CDH4: variants seen among roughly 807,000 people sequenced by gnomAD.
The protein encoded by CDH4 is cadherin 4, also known as cadherin-4.
A neutral mutation model predicts 86.0 loss-of-function variants in CDH4; 33 were observed. The ratio of observed to expected loss-of-function variants is 0.38; its 90% CI spans 0.29 to 0.51. The LOEUF (loss-of-function observed/expected upper bound fraction) is 0.51. Ranked by LOEUF, CDH4 falls within the 20% of genes least tolerant of loss-of-function variation. The probability of loss-of-function intolerance (pLI) is 0.86; values close to 1 mark genes in which losing one functional copy is unlikely to be tolerated. For missense variants in CDH4, 1,114 were observed against 1,307.4 expected (o/e 0.85, Z 2.28); for synonymous variants, 555 against 549.4 (o/e 1.01, Z -0.14).
chr20:61,729,778 G>A (rs1206573808), intron 2 of CDH4, among the ~76,000 whole-genome samples: 3 of 152,238 alleles, frequency 2.0e-5, no homozygotes, highest in Non-Finnish European at 2.9e-5. Flanking sequence ...GAGAGATGCA[G>A]TGTCCATGAG....
chr20:61,506,162 C>T (rs2085740073), intron 2 of CDH4, among the ~76,000 whole-genome samples: 1 of 152,196 alleles, frequency 6.6e-6, no homozygotes, highest in Non-Finnish European at 1.5e-5. Context: ...AGAAATGAAT[C>T]TTTCTCAAAA....
At chr20:61,899,961 G>T (rs1985308959) in intron 8 of CDH4, among the ~76,000 whole-genome samples, 1 of 152,214 alleles carries the variant, frequency 6.6e-6, no homozygotes, top group Non-Finnish European at 1.5e-5. Context: ...TGGGTCTGTG[G>T]TCCCCATGTT....
chr20:61,282,400 A>T (rs562601066), intron 2 of CDH4, among the ~76,000 whole-genome samples: 1 of 152,240 alleles, frequency 6.6e-6, no homozygotes, highest in South Asian at 2.1e-4. Flanking sequence ...TATCCCTCTT[A>T]CTTTCATAAA....
intron 4 of CDH4, among the ~76,000 whole-genome samples, chr20:61,785,277 G>A (rs896664664): frequency 1.3e-5 from 2 of 152,182 alleles, no homozygotes; most frequent in Non-Finnish European, 2.9e-5. Flanking sequence ...CACACCTGTG[G>A]CAGCTCAGTT....
chr20:61,813,231 G>C (rs1274724350), intron 4 of CDH4, among the ~76,000 whole-genome samples: 3 of 152,212 alleles, frequency 2.0e-5, no homozygotes, highest in Non-Finnish European at 4.4e-5. Flanking sequence ...GCTCCCTCCA[G>C]CTCCTTGGAG....
At chr20:61,499,805 G>C (rs1438739554) in intron 2 of CDH4, among the ~76,000 whole-genome samples, 1 of 152,140 alleles carries the variant, frequency 6.6e-6, no homozygotes, top group African/African-American at 2.4e-5. Flanking sequence ...GAATTCATCT[G>C]CACCTTGAGC....
At chr20:61,769,144 A>C (rs2088741883) in intron 3 of CDH4, among the ~76,000 whole-genome samples, 1 of 152,204 alleles carries the variant, frequency 6.6e-6, no homozygotes, top group Admixed American at 6.5e-5. Context: ...GCCCTCGTGC[A>C]GGCACAAAAA....
chr20:61,322,820 G>C (rs1474119940), intron 2 of CDH4, among the ~76,000 whole-genome samples: 3 of 152,206 alleles, frequency 2.0e-5, no homozygotes, highest in Admixed American at 1.3e-4. Context: ...GTTCCCAGTG[G>C]ACTTGTGCAG....
intron 2 of CDH4, among the ~76,000 whole-genome samples, chr20:61,338,127 A>G (rs1036580117): frequency 3.3e-5 from 5 of 152,206 alleles, no homozygotes; most frequent in Admixed American, 1.3e-4. Flanking sequence ...TCAAAAAGTC[A>G]CGGGGCTCAG....
intron 8 of CDH4, among the ~76,000 whole-genome samples, chr20:61,897,202 T>C (rs1194151270): frequency 2.0e-5 from 3 of 152,032 alleles, no homozygotes; most frequent in Non-Finnish European, 2.9e-5. Context: ...GGGCAGAAGA[T>C]AAACAAGGGG....
At chr20:61,530,040 T>G (rs570885172) in intron 2 of CDH4, among the ~76,000 whole-genome samples, 9 of 151,840 alleles carry the variant, frequency 5.9e-5, no homozygotes, top group East Asian at 5.9e-4. Context: ...GTTTGTGTGT[T>G]TGTTTGTTTT....
At chr20:61,320,203 G>T (rs971487625) in intron 2 of CDH4, among the ~76,000 whole-genome samples, 2 of 152,268 alleles carry the variant, frequency 1.3e-5, no homozygotes, top group East Asian at 1.9e-4. Flanking sequence ...GAGCCTGAGG[G>T]TCTCTTCCCA....
At chr20:61,931,842 C>T (rs1225768729) in intron 13 of CDH4, among the ~76,000 whole-genome samples, 1 of 152,126 alleles carries the variant, frequency 6.6e-6, no homozygotes, top group African/African-American at 2.4e-5. Flanking sequence ...CCATCCACCC[C>T]ACAAGGGGAC....
chr20:61,901,420 A>G (rs935710039), intron 8 of CDH4, among the ~76,000 whole-genome samples: 19 of 152,274 alleles, frequency 1.2e-4, no homozygotes, highest in African/African-American at 4.3e-4. Context: ...GGTTTACGCT[A>G]TCAATTTTCC....
chr20:61,412,520 C>T (rs1019268098), intron 2 of CDH4, among the ~76,000 whole-genome samples: 1 of 152,212 alleles, frequency 6.6e-6, no homozygotes, highest in African/African-American at 2.4e-5. Flanking sequence ...TCTTATCCAA[C>T]TCACAATGGC....
chr20:61,411,808 C>T lies in CDH4; in HGVS notation c.169+156871C>T, dbSNP rs561749740. ...GGGCCGATCAGAGTGGGCAGCTGGC[C>T]GGCATGGGCACAGTGCACAGAAGCC... On this transcript the variant is annotated intron_variant, in intron 2 of 15. Coordinates refer to ENST00000614565, the MANE Select transcript of CDH4 (RefSeq NM_001794.5). 8.5e-5 allele frequency among the ~76,000 whole-genome samples: 13 copies of T among 152,308 alleles called. No individual in the cohort carries two copies. The East Asian group carries it at 1.4e-3, about 16-fold the overall frequency.
intron 4 of CDH4, among the ~76,000 whole-genome samples, chr20:61,795,820 A>G (rs6061824): frequency 0.45 from 52,853 of 116,354 alleles, 9,764 homozygotes; most frequent in African/African-American, 0.58. Context: ...GACAGAAGCA[A>G]TGTTGCATGA....
At chr20:61,851,348 C>T (rs984490737) in intron 5 of CDH4, among the ~76,000 whole-genome samples, 1 of 152,164 alleles carries the variant, frequency 6.6e-6, no homozygotes, top group African/African-American at 2.4e-5. Flanking sequence ...ATGGTTGGAG[C>T]CAAACCAAAA....
intron 3 of CDH4, among the ~76,000 whole-genome samples, chr20:61,763,225 G>A (rs1281212961): frequency 1.3e-5 from 2 of 152,106 alleles, no homozygotes; most frequent in African/African-American, 4.8e-5. Flanking sequence ...ATCTCTTGAG[G>A]GTAATGACTT....
Sources: allele counts gnomAD v4.1 joint callset (sites outside exome capture counted in the v4.1 genomes callset), GRCh38; gene constraint gnomAD v4.1.1; transcripts MANE v1.5; gene names NCBI Gene and HGNC (gene_info 2026-07-23, HGNC 2026-07-21).